TKTL1: variants seen among roughly 807,000 people sequenced by gnomAD.
TKTL1 encodes transketolase like 1.
In TKTL1, 1 loss-of-function variant was observed where a neutral mutation model predicts 39.3. The observed-to-expected ratio is 0.03, with a 90% CI of 0.01 to 0.12. The LOEUF (loss-of-function observed/expected upper bound fraction) is 0.12. TKTL1 is among the 10% of genes least tolerant of loss of function. The probability of loss-of-function intolerance (pLI) is 1.00; values close to 1 mark genes in which losing one functional copy is unlikely to be tolerated. For synonymous variants in TKTL1, 262 were observed against 193.8 expected (o/e 1.35, Z -2.92); for missense variants, 575 against 509.6 (o/e 1.13, Z -1.24).
At chrX:154,298,504 G>A (rs1425630019) in intron 1 of TKTL1, among the ~76,000 whole-genome samples, 3 of 112,180 alleles carry the variant, frequency 2.7e-5, no homozygotes, top group Non-Finnish European at 3.8e-5. Context: ...TTGAGCTCAA[G>A]AGTTCAGGAC....
chrX:154,323,153 G>A, intron 8 of TKTL1, 54 bp from the exon 9 acceptor site: 1 of 1,186,009 alleles, frequency 8.4e-7, no homozygotes, highest in African/African-American at 1.8e-5. Context: ...TGGGTGGAGG[G>A]CAGGTTCCTA....
At position 154,329,533 on chromosome X, in the gene TKTL1, G is replaced by A; in HGVS notation, c.1636G>A (p.Val546Ile). 1 of 1,211,674 alleles carries A rather than the reference G, an allele frequency of 8.3e-7. No homozygotes were observed. Among genetic ancestry groups the A allele is most frequent in the Admixed American group, 2.2e-5 (1 of 46,035 alleles). Residue 546 changes from valine to isoleucine, a missense_variant, in exon 13 of 13, where the codon GTC becomes ATC. Transcript: ENST00000369915. ...HYPQGGIGEA[V>I]CAAVSMDPDI... is the part of the protein sequence containing the mutation. The stretch of plus-strand genomic sequence containing the variant: ...TTCCCCAGGTGGCATCGGGGAAGCT[G>A]TCTGCGCAGCCGTCTCCATGGATCC...
intron 1 of TKTL1, among the ~76,000 whole-genome samples, chrX:154,299,753 C>T (rs1299286565): frequency 9.0e-6 from 1 of 111,646 alleles, no homozygotes; most frequent in South Asian, 3.7e-4. Context: ...CCAGCTCCAC[C>T]CAAGTTGCTG....
intron 12 of TKTL1, 127 bp from the exon 13 acceptor site, chrX:154,329,389 C>T (rs1404425048): frequency 6.0e-6 from 4 of 670,071 alleles, no homozygotes; most frequent in Admixed American, 5.8e-5. Context: ...GCAGGCCCAT[C>T]GGAGTGGCTG....
chrX:154,326,770 A>G (rs2067496354), intron 10 of TKTL1, among the ~76,000 whole-genome samples: 1 of 112,572 alleles, frequency 8.9e-6, no homozygotes, highest in African/African-American at 3.2e-5. Context: ...AAGCAAGTAA[A>G]TTTACTGATA....
chrX:154,326,948 A>G (rs2239467), intron 10 of TKTL1, among the ~76,000 whole-genome samples: 30,651 of 111,337 alleles, frequency 0.28, 3,539 homozygotes, highest in South Asian at 0.53. Context: ...CTGTACTATC[A>G]GCAATGGTTC....
chrX:154,323,273 C>T lies in TKTL1; in HGVS notation c.1253C>T (p.Thr418Met), dbSNP rs142614631. The change falls in exon 9 of 13, where the codon ACG becomes ATG. Residue 418 changes from threonine (T) to methionine (M), a missense_variant. Thr to Met is a moderately conservative substitution (Grantham distance 81). Coordinates refer to ENST00000369915, the MANE Select transcript of TKTL1 (RefSeq NM_012253.4). The part of the protein sequence containing the change: ...IAMFRTIPKC[T>M]IFYPTDAVST... ...ATGTTCCGAACCATTCCCAAGTGCA[C>T]GATCTTCTACCCAACTGATGCCGTC... The T allele has an allele frequency of 1.3e-4, 161 of 1,209,420 alleles. No homozygotes were observed. The highest frequency in any genetic ancestry group is 1.6e-4 in the Non-Finnish European group (147 of 894,870).
intron 1 of TKTL1, among the ~76,000 whole-genome samples, chrX:154,303,102 C>G (rs1366122816): frequency 1.8e-5 from 2 of 111,292 alleles, no homozygotes; most frequent in African/African-American, 6.5e-5. Context: ...AACACCCTGA[C>G]TCGTTTCCTG....
rs1277991758 is a variant in TKTL1 at position 154,300,511 on chromosome X, GGTTTTATTT to G, written c.134+4522_134+4530del. Among the ~76,000 whole-genome samples, 74 of 111,671 alleles carry G rather than the reference GGTTTTATTT, an allele frequency of 6.6e-4. 1 individual carries two copies. The highest frequency in any genetic ancestry group is 2.0e-3 in the African/African-American group (60 of 30,656). ...CTTGGTTAAGTATATTCCTAGGGTG[GGTTTTATTT>G]GTTGTTTTTGCTGTTTACAGCTGTT... On this transcript the variant is annotated intron_variant, in intron 1 of 12. Coordinates refer to ENST00000369915, the MANE Select transcript of TKTL1 (RefSeq NM_012253.4).
Position 154,299,149 on chromosome X carries a change from CTTTTTT to C in TKTL1, c.134+3174_134+3179del, listed in dbSNP as rs1180562974. 8.8e-3 allele frequency among the ~76,000 whole-genome samples: 315 copies of C among 35,933 alleles called. 2 individuals are homozygous for C. Among genetic ancestry groups the C allele is most frequent in the African/African-American group, 0.029 (278 of 9,538 alleles). 31.2% of individuals were successfully genotyped at this position (35,933 alleles called of 115,157 possible). On this transcript the variant is annotated intron_variant, in intron 1 of 12. Transcript: ENST00000369915. ...GGGATTTTTCATTTTCTTTTTCTTT[CTTTTTT>C]TTTTTTTTTTTTTTTTTGAGACGGA...
intron 7 of TKTL1, among the ~76,000 whole-genome samples, chrX:154,319,557 G>A (rs1241918810): frequency 1.8e-5 from 2 of 111,430 alleles, no homozygotes; most frequent in Non-Finnish European, 3.8e-5. Context: ...TGACCAATAT[G>A]GTGAAACCTC....
chrX:154,320,677 A>T (rs2067441714), intron 7 of TKTL1, 80 bp from the exon 8 acceptor site: 1 of 985,375 alleles, frequency 1.0e-6, no homozygotes, highest in African/African-American at 1.9e-5. Context: ...GCAGAATGGG[A>T]GTTATCATGG....
chrX:154,315,176 G>A lies in TKTL1; in HGVS notation c.868G>A (p.Ala290Thr), dbSNP rs369349507. Residue 290 changes from alanine to threonine, a missense_variant, in exon 7 of 13, where the codon GCT (alanine) becomes ACT (threonine). Transcript: ENST00000369915. ...PPDYRVGDKI[A>T]TRKACGLALA... Reference sequence around the variant, plus strand: ...CCTGATTGTCTCTGTCTTCTAGATAGCTACTCGGAAAGCATGCGGTCTGGC... The same window carrying A: ...CCTGATTGTCTCTGTCTTCTAGATAACTACTCGGAAAGCATGCGGTCTGGC... The A allele has an allele frequency of 1.7e-6, 2 of 1,209,754 alleles. No homozygotes were observed. The highest frequency in any genetic ancestry group is 2.2e-6 in the Non-Finnish European group (2 of 894,402).
At chrX:154,318,624 C>T (rs979587370) in intron 7 of TKTL1, among the ~76,000 whole-genome samples, 3 of 103,487 alleles carry the variant, frequency 2.9e-5, no homozygotes, top group Non-Finnish European at 5.9e-5. Flanking sequence ...AGGAGAATGG[C>T]GTGAACCCGG....
At chrX:154,317,931 T>TAC (rs2067414811) in intron 7 of TKTL1, among the ~76,000 whole-genome samples, 1 of 111,529 alleles carries the variant, frequency 9.0e-6, no homozygotes, top group African/African-American at 3.3e-5. Flanking sequence ...CTGTTAGATG[T>TAC]ACAGAGGGGA....
At chrX:154,325,542 T>A (rs1336559285) in intron 10 of TKTL1, 120 bp downstream of exon 10, 2 of 633,202 alleles carry the variant, frequency 3.2e-6, no homozygotes, top group Non-Finnish European at 4.9e-6. Context: ...CTCATTTTTT[T>A]AAAAAACAGT....
chrX:154,301,778 A>G (rs2067275547), intron 1 of TKTL1, among the ~76,000 whole-genome samples: 1 of 102,672 alleles, frequency 9.7e-6, no homozygotes, highest in African/African-American at 3.6e-5. Flanking sequence ...TTTTTAGTAG[A>G]GACGGGGTTT....
At chrX:154,296,463 A>G (rs2067229097) in intron 1 of TKTL1, among the ~76,000 whole-genome samples, 1 of 111,119 alleles carries the variant, frequency 9.0e-6, no homozygotes, top group Non-Finnish European at 1.9e-5. Context: ...AGCAATTAAA[A>G]TTCCAGCCTG....
intron 1 of TKTL1, among the ~76,000 whole-genome samples, chrX:154,299,815 C>T (rs1204621125): frequency 1.8e-5 from 2 of 111,502 alleles, no homozygotes; most frequent in African/African-American, 3.3e-5. Context: ...GTATATACAC[C>T]ACCTTCTTTA....
Sources: allele counts gnomAD v4.1 joint callset (sites outside exome capture counted in the v4.1 genomes callset), GRCh38; gene constraint gnomAD v4.1.1; transcripts MANE v1.5; gene names NCBI Gene and HGNC (gene_info 2026-07-23, HGNC 2026-07-21).